Variants in ZFHX3 observed in about 807,000 individuals in gnomAD.
ZFHX3 encodes zinc finger homeobox protein 3.
In ZFHX3, 42 loss-of-function variants were observed where a neutral mutation model predicts 279.1. The ratio of observed to expected loss-of-function variants is 0.15; its 90% CI spans 0.12 to 0.19. The LOEUF (loss-of-function observed/expected upper bound fraction) is 0.19, where lower values mean the gene tolerates loss of function less well. Among genes scored for constraint, ZFHX3 ranks in the 10% least tolerant of loss-of-function variants. The pLI, the probability that ZFHX3 is intolerant of heterozygous loss-of-function variation, is 1.00. For synonymous variants in ZFHX3, 2,293 were observed against 1,957.8 expected, an observed-to-expected ratio of 1.17 and a Z score of -4.52; for missense variants, 4,981 against 4,754.0, an observed-to-expected ratio of 1.05 and a Z score of -1.40.
intron 3 of ZFHX3, among the ~76,000 whole-genome samples, chr16:73,451,526 T>A (rs778218164): frequency 1.8e-4 from 28 of 152,226 alleles, no homozygotes; most frequent in African/African-American, 6.8e-4. Context: ...AATTACCAGA[T>A]GAATATATGA....
intron 2 of ZFHX3, among the ~76,000 whole-genome samples, chr16:73,461,882 G>C (rs773291554): frequency 4.6e-5 from 7 of 151,906 alleles, no homozygotes; most frequent in Non-Finnish European, 8.8e-5. Flanking sequence ...AAGTATTTTT[G>C]AATAATTTTC....
At chr16:73,253,014 C>T (rs935421828) in intron 5 of ZFHX3, among the ~76,000 whole-genome samples, 1 of 152,300 alleles carries the variant, frequency 6.6e-6, no homozygotes, top group Admixed American at 6.5e-5. Context: ...GCTGTCTTTG[C>T]ACCTTTGGAT....
At chr16:73,563,035 G>C (rs535846767) in intron 2 of ZFHX3, among the ~76,000 whole-genome samples, 1 of 152,174 alleles carries the variant, frequency 6.6e-6, no homozygotes, top group Non-Finnish European at 1.5e-5. Context: ...TATTGCTCTG[G>C]AAAATTTCAG....
intron 1 of ZFHX3, among the ~76,000 whole-genome samples, chr16:73,838,106 C>T (rs1961192408): frequency 6.6e-6 from 1 of 152,164 alleles, no homozygotes; most frequent in Non-Finnish European, 1.5e-5. Flanking sequence ...AAGTGTTTGT[C>T]CCGTTAGAAA....
intron 3 of ZFHX3, among the ~76,000 whole-genome samples, chr16:72,921,691 T>G (rs182007793): frequency 6.6e-6 from 1 of 151,370 alleles, no homozygotes; most frequent in Non-Finnish European, 1.5e-5. Context: ...GATCGAGGAG[T>G]CTGGAGAGAA....
chr16:72,978,627 C>G (rs1962457248), intron 1 of ZFHX3, among the ~76,000 whole-genome samples: 1 of 152,146 alleles, frequency 6.6e-6, no homozygotes, highest in African/African-American at 2.4e-5. Context: ...GAGCATCGGC[C>G]GGGGGTGGGA....
chr16:73,460,582 G>T (rs1314158289), intron 2 of ZFHX3, among the ~76,000 whole-genome samples: 7 of 152,136 alleles, frequency 4.6e-5, no homozygotes, highest in African/African-American at 1.7e-4. Context: ...CTGTGTCATT[G>T]TACATTCTCA....
At chr16:73,778,235 T>TAAAAAAA (rs1597110989) in intron 1 of ZFHX3, among the ~76,000 whole-genome samples, 1 of 32,046 alleles carries the variant, frequency 3.1e-5, no homozygotes, top group African/African-American at 3.5e-4. Flanking sequence ...TGAAGGAGTG[T>TAAAAAAA]TAAAAAAAAA....
chr16:73,109,935 T>C (rs984988250), intron 7 of ZFHX3, among the ~76,000 whole-genome samples: 7 of 152,122 alleles, frequency 4.6e-5, no homozygotes, highest in African/African-American at 1.4e-4. Context: ...AAACTAATGA[T>C]ACGACATTAA....
intron 3 of ZFHX3, among the ~76,000 whole-genome samples, chr16:72,920,845 C>A (rs8059392): frequency 6.6e-6 from 1 of 151,224 alleles, no homozygotes; most frequent in Non-Finnish European, 1.5e-5. Flanking sequence ...CAAGGTGGGA[C>A]GATTGCTTGA....
At chr16:72,861,221 C>T (rs537735508) in intron 4 of ZFHX3, among the ~76,000 whole-genome samples, 4 of 152,306 alleles carry the variant, frequency 2.6e-5, no homozygotes, top group East Asian at 1.9e-4. Context: ...GGCATGTCCT[C>T]GTTTTGCATA....
chr16:72,816,867 A>C (rs1467774005), intron 5 of ZFHX3, among the ~76,000 whole-genome samples: 1 of 152,248 alleles, frequency 6.6e-6, no homozygotes, highest in East Asian at 1.9e-4. Context: ...TCATTTATGC[A>C]TGGAGACACC....
chr16:73,473,407 G>A (rs1287436811), intron 2 of ZFHX3, among the ~76,000 whole-genome samples: 1 of 149,994 alleles, frequency 6.7e-6, no homozygotes, highest in East Asian at 1.9e-4. Context: ...ACTTGTGTAT[G>A]GAATCATTCC....
At chr16:73,335,187 A>G (rs1410500328) in intron 3 of ZFHX3, among the ~76,000 whole-genome samples, 1 of 152,148 alleles carries the variant, frequency 6.6e-6, no homozygotes, top group Non-Finnish European at 1.5e-5. Flanking sequence ...AGTGATAGCT[A>G]TAATAATATT....
intron 4 of ZFHX3, among the ~76,000 whole-genome samples, chr16:72,861,939 C>A (rs578083327): frequency 6.6e-6 from 1 of 152,074 alleles, no homozygotes; most frequent in Non-Finnish European, 1.5e-5. Flanking sequence ...TGCTTGAACC[C>A]GGGAGGCAGA....
intron 1 of ZFHX3, among the ~76,000 whole-genome samples, chr16:72,969,641 A>G (rs1261969605): frequency 6.6e-6 from 1 of 152,170 alleles, no homozygotes; most frequent in Admixed American, 6.5e-5. Flanking sequence ...TTAAAAAAAC[A>G]AAAACAGAAA....
At position 72,824,442 on chromosome 16, in the gene ZFHX3, A is replaced by C. The variant is rs562564196; in HGVS notation, c.3529+5337T>G. On this transcript the variant is annotated intron_variant, in intron 5 of 9. Transcript: ENST00000268489. ...AGGCCAATCCTTTAGAAAAATGAAA[A>C]CACTCAAACTACCATTCTAACTCAA... Among the ~76,000 whole-genome samples, 14 of 152,322 alleles carry C rather than the reference A, an allele frequency of 9.2e-5. No homozygotes were observed. The South Asian group carries it at 2.7e-3, about 29-fold the overall frequency.
At chr16:73,172,857 G>T (rs1967563074) in intron 5 of ZFHX3, among the ~76,000 whole-genome samples, 1 of 151,226 alleles carries the variant, frequency 6.6e-6, no homozygotes, top group Non-Finnish European at 1.5e-5. Context: ...CTTTTCCCTT[G>T]TTCTTCAGCT....
At chr16:73,502,388 T>G (rs888837913) in intron 2 of ZFHX3, among the ~76,000 whole-genome samples, 1 of 152,220 alleles carries the variant, frequency 6.6e-6, no homozygotes, top group Non-Finnish European at 1.5e-5. Context: ...ATGCTGTCCT[T>G]GTAACTCCTT....
Sources: allele counts gnomAD v4.1 joint callset (sites outside exome capture counted in the v4.1 genomes callset), GRCh38; gene constraint gnomAD v4.1.1; transcripts MANE v1.5; gene names NCBI Gene and HGNC (gene_info 2026-07-23, HGNC 2026-07-21).